The following COL5A1 variants were observed in gnomAD, a reference collection of about 807,000 sequenced individuals.
The protein encoded by COL5A1 is collagen alpha-1(V) chain.
In COL5A1, 16 loss-of-function variants were observed where a neutral mutation model predicts 263.7. That is an observed-to-expected ratio of 0.06 (90% confidence interval 0.04 to 0.09). The LOEUF (loss-of-function observed/expected upper bound fraction) is 0.09, where lower values mean the gene tolerates loss of function less well. Among genes scored for constraint, COL5A1 ranks in the 10% least tolerant of loss-of-function variants. The pLI, the probability that COL5A1 is intolerant of heterozygous loss-of-function variation, is 1.00. For synonymous variants in COL5A1, 1,012 were observed against 1,004.5 expected (o/e 1.01, Z -0.14); for missense variants, 2,036 against 2,540.5 (o/e 0.80, Z 4.27).
chr9:134,685,480 CCATCCGTCCATCCATCCATCCATCCAT>C (rs1368413791), intron 1 of COL5A1, among the ~76,000 whole-genome samples: 6 of 105,768 alleles, frequency 5.7e-5, no homozygotes, highest in East Asian at 3.7e-4. Context: ...ATCCATCCAT[CCATCCGTCCATCCATCCATCCATCCAT>C]CACCATCCAT....
intron 51 of COL5A1, 35 bp from the exon 52 acceptor site, chr9:134,815,900 G>A (rs142294227): frequency 3.7e-5 from 60 of 1,612,916 alleles, no homozygotes; most frequent in Non-Finnish European, 4.2e-5. Flanking sequence ...GGTGCCATCC[G>A]GGGTTCAGCA....
At chr9:134,701,401 C>CT in intron 4 of COL5A1, 68 bp downstream of exon 4, 1 of 1,522,750 alleles carries the variant, frequency 6.6e-7, no homozygotes, top group Non-Finnish European at 9.0e-7. Context: ...ACTGTGACTG[C>CT]TGTTGGAGGA....
At chr9:134,776,837 G>A (rs1057111917) in intron 27 of COL5A1, among the ~76,000 whole-genome samples, 8 of 152,172 alleles carry the variant, frequency 5.3e-5, no homozygotes, top group East Asian at 3.8e-4. Context: ...CAGTGTCTGC[G>A]GAAGGCTGCT....
At chr9:134,822,009 C>T in intron 58 of COL5A1, 88 bp from the exon 59 acceptor site, 1 of 1,166,836 alleles carries the variant, frequency 8.6e-7, no homozygotes. Flanking sequence ...GACAGGGGAG[C>T]CGAGGGGTGT....
intron 30 of COL5A1, 62 bp from the exon 31 acceptor site, chr9:134,785,933 C>A: frequency 6.7e-7 from 1 of 1,493,752 alleles, no homozygotes; most frequent in Non-Finnish European, 9.3e-7. Flanking sequence ...TTTCTCTCTG[C>A]TCCGGGGAAA....
chr9:134,749,660 G>A (rs11103492), intron 11 of COL5A1, among the ~76,000 whole-genome samples: 7,590 of 152,262 alleles, frequency 0.05, 219 homozygotes, highest in Middle Eastern at 0.078. Flanking sequence ...TCGGAAGACT[G>A]CAGCCAGCAC....
At chr9:134,749,369 A>G (rs1051213291) in intron 11 of COL5A1, among the ~76,000 whole-genome samples, 3 of 152,244 alleles carry the variant, frequency 2.0e-5, no homozygotes, top group Admixed American at 6.5e-5. Flanking sequence ...TTACATCCGG[A>G]GATGAAAAGG....
At chr9:134,839,530 G>A (rs143575320) in intron 65 of COL5A1, among the ~76,000 whole-genome samples, 135 of 152,346 alleles carry the variant, frequency 8.9e-4, no homozygotes, top group African/African-American at 3.1e-3. Flanking sequence ...CCTCCCAGGG[G>A]TGGATGAGAA....
rs745360062 is a variant in COL5A1 at position 134,731,559 on chromosome 9, C to T, written c.1228C>T (p.Arg410Trp). Residue 410 changes from arginine (R) to tryptophan (W), a missense_variant, in exon 8 of 66, where the codon CGG (arginine) becomes TGG (tryptophan). By Grantham distance (101) the Arg-to-Trp change is moderately radical (BLOSUM62 -3). This residue lies in a region of COL5A1 where 600 missense variants were observed against 634.5 expected (regional missense o/e 0.95). Coordinates refer to ENST00000371817, the MANE Select transcript of COL5A1 (RefSeq NM_000093.5). ...LEGEFTEETIRNLDENYYDPY... is the reference protein window; with the variant it reads ...LEGEFTEETIWNLDENYYDPY... Reference sequence around the variant, plus strand: ...GGGGGAGTTCACTGAGGAAACGATCCGGAACCTTGACGAGAACTACTACGA... The same window carrying T: ...GGGGGAGTTCACTGAGGAAACGATCTGGAACCTTGACGAGAACTACTACGA... 99 of 1,614,208 alleles carry T rather than the reference C, an allele frequency of 6.1e-5. 1 individual carries two copies. The highest frequency in any genetic ancestry group is 6.7e-5 in the Non-Finnish European group (79 of 1,180,024).
chr9:134,760,458 C>CATGCACACAAT (rs1836334140), intron 18 of COL5A1, among the ~76,000 whole-genome samples: 1 of 104,746 alleles, frequency 9.5e-6, no homozygotes, highest in African/African-American at 5.3e-5. Context: ...TACACACCCA[C>CATGCACACAAT]ACACCCCCAC....
At chr9:134,658,709 G>A (rs779793301) in intron 1 of COL5A1, among the ~76,000 whole-genome samples, 55 of 152,184 alleles carry the variant, frequency 3.6e-4, no homozygotes, top group Non-Finnish European at 7.1e-4. Context: ...CCCCTGGAGG[G>A]TGGCGGGGGG....
In COL5A1 at chr9:134,820,140, A is replaced by T. The variant is rs863223457; in HGVS notation, c.4471A>T (p.Ile1491Phe). 1.2e-6 allele frequency: 2 copies of T among 1,613,906 alleles called. No homozygotes were observed. The highest frequency in any genetic ancestry group is 1.7e-6 in the Non-Finnish European group (2 of 1,180,004). The change falls in exon 58 of 66, where the codon ATC becomes TTC. Residue 1491 changes from isoleucine (I) to phenylalanine (F), a missense_variant. Physicochemically the swap from Ile to Phe is conservative, Grantham distance 21. Coordinates refer to ENST00000371817, the MANE Select transcript of COL5A1 (RefSeq NM_000093.5). Reference protein sequence around the residue: ...EKGHPGLIGLIGPPGEQGEKG... With the variant: ...EKGHPGLIGLFGPPGEQGEKG... ...GGGTCATCCAGGCCTGATCGGGCTC[A>T]TCGGTCCTCCGGGTGAACAGGGTGA... is the stretch of plus-strand genomic sequence containing the variant.
chr9:134,690,265 C>T (rs1407716770), intron 1 of COL5A1, among the ~76,000 whole-genome samples: 1 of 152,114 alleles, frequency 6.6e-6, no homozygotes, highest in Admixed American at 6.5e-5. Context: ...TGCACACCCG[C>T]TGTAAACGGT....
Position 134,809,208 on chromosome 9 carries a change from C to T in COL5A1, c.3392C>T (p.Ala1131Val), listed in dbSNP as rs776963231. 1.3e-6 allele frequency: 2 copies of T among 1,594,948 alleles called. No homozygotes were observed. Among genetic ancestry groups the T allele is most frequent in the Non-Finnish European group, 8.5e-7 (1 of 1,170,608 alleles). Residue 1131 changes from alanine to valine, a missense_variant, in exon 43 of 66, where the codon GCT (alanine) becomes GTT (valine). Physicochemically the swap from Ala to Val is moderately conservative, Grantham distance 64. Coordinates refer to ENST00000371817, the MANE Select transcript of COL5A1 (RefSeq NM_000093.5). Reference protein sequence around the residue: ...APGEKGPQGPAGRDGLQGPVG... With the variant: ...APGEKGPQGPVGRDGLQGPVG... ...GGCGAGAAAGGCCCACAAGGCCCAG[C>T]TGGCCGAGACGGTCTCCAGGGGCCT...
At chr9:134,778,792 C>G (rs1837146762) in intron 27 of COL5A1, among the ~76,000 whole-genome samples, 1 of 152,266 alleles carries the variant, frequency 6.6e-6, no homozygotes, top group Admixed American at 6.5e-5. Flanking sequence ...AGAACTCTTG[C>G]TTGTCTCCGG....
intron 11 of COL5A1, among the ~76,000 whole-genome samples, chr9:134,743,916 A>G (rs575681645): frequency 6.6e-6 from 1 of 152,110 alleles, no homozygotes; most frequent in South Asian, 2.1e-4. Flanking sequence ...GCTCACCTCT[A>G]CCTAACAGGT....
At chr9:134,651,350 A>C (rs1322791346) in intron 1 of COL5A1, among the ~76,000 whole-genome samples, 1 of 152,182 alleles carries the variant, frequency 6.6e-6, no homozygotes, top group African/African-American at 2.4e-5. Context: ...CAGAAATTTC[A>C]GAAACAATTA....
Position 134,752,655 on chromosome 9 carries a change from T to C in COL5A1, c.1719+10T>C, listed in dbSNP as rs202231659. ...GAGACCTGGCCCTGTGGTAAGTCAT[T>C]GGCAAATCTGAGAGCTGGGCGTGGT... On this transcript the variant is annotated intron_variant, in intron 14 of 65. Transcript: ENST00000371817. The C allele has an allele frequency of 4.4e-6, 7 of 1,608,820 alleles. No homozygotes were observed. The East Asian group carries it at 8.9e-5, about 20-fold the overall frequency.
intron 65 of COL5A1, among the ~76,000 whole-genome samples, chr9:134,840,790 A>G (rs1588620508): frequency 6.6e-6 from 1 of 152,272 alleles, no homozygotes; most frequent in African/African-American, 2.4e-5. Context: ...CACAGGGTGG[A>G]GTCTCTCGGG....
Sources: allele counts gnomAD v4.1 joint callset (sites outside exome capture counted in the v4.1 genomes callset), GRCh38; gene constraint gnomAD v4.1.1; regional missense constraint gnomAD v4.1.1; transcripts MANE v1.5; gene names NCBI Gene and HGNC (gene_info 2026-07-23, HGNC 2026-07-21).